The following PSMD9 variants were observed in gnomAD, a reference collection of about 807,000 sequenced individuals.
The protein encoded by PSMD9 is 26S proteasome non-ATPase regulatory subunit 9.
PSMD9 carries 26 observed loss-of-function variants against 25.9 expected under a neutral mutation model. That is an observed-to-expected ratio of 1.00 (90% CI 0.73 to 1.39). The LOEUF (loss-of-function observed/expected upper bound fraction) is 1.39. Among genes scored for constraint, PSMD9 ranks in the 40% most tolerant of loss-of-function variants. The pLI is 0.00. For synonymous variants in PSMD9, 110 were observed against 114.5 expected (o/e 0.96, Z 0.25); for missense variants, 303 against 299.3 (o/e 1.01, Z -0.09).
chr12:121,913,861 C>T (rs560077410), intron 4 of PSMD9, among the ~76,000 whole-genome samples: 75 of 151,944 alleles, frequency 4.9e-4, no homozygotes, highest in African/African-American at 1.7e-3. Flanking sequence ...TCATTTGATA[C>T]ATAGAAGTTT....
chr12:121,912,006 C>CTTATTTATTTATTTATTTAT (rs71453586), intron 4 of PSMD9, among the ~76,000 whole-genome samples: 5 of 136,586 alleles, frequency 3.7e-5, no homozygotes, highest in African/African-American at 1.1e-4. Context: ...AATGAGCTTG[C>CTTATTTATTTATTTATTTAT]TTATTTATTT....
chr12:121,909,220 G>C (rs1001867047), intron 4 of PSMD9, among the ~76,000 whole-genome samples: 6 of 152,088 alleles, frequency 3.9e-5, no homozygotes, highest in Admixed American at 3.3e-4. Context: ...CAGGTTTCCA[G>C]CCTGCCCAGG....
At chr12:121,908,937 T>G (rs1206843238) in intron 4 of PSMD9, among the ~76,000 whole-genome samples, 1 of 152,084 alleles carries the variant, frequency 6.6e-6, no homozygotes, top group Non-Finnish European at 1.5e-5. Context: ...GGTGTTAAGG[T>G]CAGGCCTGTG....
chr12:121,911,266 C>T (rs1275387564), intron 4 of PSMD9, among the ~76,000 whole-genome samples: 1 of 152,164 alleles, frequency 6.6e-6, no homozygotes, highest in Non-Finnish European at 1.5e-5. Context: ...TCTTAAACTC[C>T]TTATCTCAGA....
intron 1 of PSMD9, among the ~76,000 whole-genome samples, chr12:121,891,226 G>A (rs1245552704): frequency 6.8e-6 from 1 of 146,564 alleles, no homozygotes; most frequent in African/African-American, 2.5e-5. Context: ...AACCCTGAAT[G>A]TTGAGGCTGC....
intron 4 of PSMD9, among the ~76,000 whole-genome samples, chr12:121,910,118 G>A (rs1377337662): frequency 8.6e-6 from 1 of 116,502 alleles, no homozygotes; most frequent in African/African-American, 3.5e-5. Flanking sequence ...ATGGAGTCTC[G>A]CTCTATAGCC....
At chr12:121,915,643 A>C (rs1048029567) in intron 4 of PSMD9, 2 of 531,536 alleles carry the variant, frequency 3.8e-6, no homozygotes, top group African/African-American at 1.9e-5. Flanking sequence ...GTGGTGGGAC[A>C]CGTGTTTTTT....
chr12:121,890,695 C>T (rs1879045162), intron 1 of PSMD9, among the ~76,000 whole-genome samples: 1 of 152,042 alleles, frequency 6.6e-6, no homozygotes, highest in African/African-American at 2.4e-5. Flanking sequence ...TGGTCTGAAA[C>T]TCCTGGGCTC....
chr12:121,911,634 A>T (rs1028047394), intron 4 of PSMD9, among the ~76,000 whole-genome samples: 105 of 148,580 alleles, frequency 7.1e-4, no homozygotes, highest in African/African-American at 2.4e-3. Context: ...AGTTTCTAAA[A>T]TTTTTTTTAA....
intron 4 of PSMD9, among the ~76,000 whole-genome samples, chr12:121,908,616 G>C (rs1044313410): frequency 1.3e-5 from 2 of 152,166 alleles, no homozygotes; most frequent in Non-Finnish European, 2.9e-5. Context: ...GGAGCACTTT[G>C]GTGGGGGAGC....
intron 4 of PSMD9, among the ~76,000 whole-genome samples, chr12:121,913,673 T>C (rs1441781647): frequency 6.6e-6 from 1 of 151,504 alleles, no homozygotes; most frequent in Non-Finnish European, 1.5e-5. Flanking sequence ...AAAAAATATA[T>C]GTTTTTTGTA....
chr12:121,903,773 A>C (rs1879470918), intron 4 of PSMD9, among the ~76,000 whole-genome samples: 1 of 137,806 alleles, frequency 7.3e-6, no homozygotes, highest in African/African-American at 2.7e-5. Flanking sequence ...TTTTTTTTTT[A>C]AGACAGGGTC....
chr12:121,895,524 T>C (rs1161457957), intron 2 of PSMD9, among the ~76,000 whole-genome samples: 2 of 152,140 alleles, frequency 1.3e-5, no homozygotes, highest in Admixed American at 6.6e-5. Flanking sequence ...TGGACTAAAA[T>C]CAAGGTGTTG....
chr12:121,909,739 T>C (rs564028546), intron 4 of PSMD9, among the ~76,000 whole-genome samples: 2 of 152,348 alleles, frequency 1.3e-5, no homozygotes, highest in Admixed American at 6.5e-5. Flanking sequence ...TTCCTTTGAA[T>C]GATCCCACCA....
intron 2 of PSMD9, chr12:121,898,541 A>G (rs997410104): frequency 6.9e-6 from 1 of 143,956 alleles, no homozygotes; most frequent in Admixed American, 6.9e-5. Flanking sequence ...CTTATGCAGC[A>G]CTTTTTTTTT....
intron 4 of PSMD9, among the ~76,000 whole-genome samples, chr12:121,903,964 T>C (rs913677076): frequency 6.6e-6 from 1 of 152,106 alleles, no homozygotes; most frequent in Admixed American, 6.6e-5. Flanking sequence ...AGGAAAATTA[T>C]TAACTAAAGT....
At chr12:121,912,327 G>A (rs867291647) in intron 4 of PSMD9, among the ~76,000 whole-genome samples, 2 of 152,002 alleles carry the variant, frequency 1.3e-5, no homozygotes, top group Non-Finnish European at 2.9e-5. Flanking sequence ...CACCGTGCCC[G>A]GCGCTTTGTT....
intron 4 of PSMD9, among the ~76,000 whole-genome samples, chr12:121,913,140 T>C (rs947889559): frequency 3.9e-5 from 6 of 152,098 alleles, no homozygotes; most frequent in Admixed American, 2.6e-4. Context: ...GAGATAGGGT[T>C]TCACTGTGTT....
intron 4 of PSMD9, among the ~76,000 whole-genome samples, chr12:121,913,328 C>T (rs1879794165): frequency 6.6e-6 from 1 of 152,108 alleles, no homozygotes; most frequent in South Asian, 2.1e-4. Context: ...ATCCGCCTGC[C>T]TTGGCCTCCC....
Sources: allele counts gnomAD v4.1 joint callset (sites outside exome capture counted in the v4.1 genomes callset), GRCh38; gene constraint gnomAD v4.1.1; transcripts MANE v1.5; gene names NCBI Gene and HGNC (gene_info 2026-07-23, HGNC 2026-07-21).